TENM1: variants seen among roughly 807,000 people sequenced by gnomAD.
TENM1 encodes the protein teneurin transmembrane protein 1, also known as teneurin-1.
TENM1 carries 35 observed loss-of-function variants against 174.8 expected under a neutral mutation model. The observed-to-expected ratio is 0.20, with a 90% CI of 0.15 to 0.27. TENM1 has a LOEUF of 0.27. Ranked by LOEUF, TENM1 falls within the 10% of genes least tolerant of loss-of-function variation. TENM1 has a pLI of 1.00. For missense variants in TENM1, 1,633 were observed against 2,130.1 expected, an observed-to-expected ratio of 0.77 and a Z score of 4.59; for synonymous variants, 781 against 798.7, an observed-to-expected ratio of 0.98 and a Z score of 0.37.
intron 3 of TENM1, among the ~76,000 whole-genome samples, chrX:124,882,956 G>C (rs1405871801): frequency 9.0e-6 from 1 of 111,693 alleles, no homozygotes; most frequent in Non-Finnish European, 1.9e-5. Context: ...TCATTGTAGA[G>C]ATCTTTCACC....
At chrX:124,845,027 CCATT>C (rs1311542691) in intron 3 of TENM1, among the ~76,000 whole-genome samples, 1 of 110,694 alleles carries the variant, frequency 9.0e-6, no homozygotes, top group African/African-American at 3.3e-5. Flanking sequence ...ACTAGTAGGG[CCATT>C]ATTACTGGAG....
chrX:124,614,759 T>C, intron 11 of TENM1, among the ~76,000 whole-genome samples: 1 of 112,306 alleles, frequency 8.9e-6, no homozygotes, highest in Non-Finnish European at 1.9e-5. Flanking sequence ...GGTGCATGTC[T>C]GTAGTCCCAG....
chrX:124,734,431 CAGA>C (rs2148545665), intron 4 of TENM1, among the ~76,000 whole-genome samples: 1 of 108,153 alleles, frequency 9.2e-6, no homozygotes, highest in South Asian at 4.0e-4. Flanking sequence ...GCCTGGGCGA[CAGA>C]AGGAGACTGT....
At chrX:124,530,666 T>C (rs1299848582) in intron 15 of TENM1, among the ~76,000 whole-genome samples, 1 of 111,997 alleles carries the variant, frequency 8.9e-6, no homozygotes, top group Non-Finnish European at 1.9e-5. Context: ...ACAAATTTAG[T>C]TGAGCACACT....
chrX:125,054,060 G>C, the TENM1 span, among the ~76,000 whole-genome samples: 1 of 111,921 alleles, frequency 8.9e-6, no homozygotes, highest in Non-Finnish European at 1.9e-5. Context: ...AAAGTCCATC[G>C]TTCTACCATG....
chrX:124,682,921 C>T (rs1235868449), intron 5 of TENM1, among the ~76,000 whole-genome samples: 1 of 111,396 alleles, frequency 9.0e-6, no homozygotes, highest in Non-Finnish European at 1.9e-5. Flanking sequence ...CTGGTGACAT[C>T]CAAATGAAGT....
chrX:124,922,061 G>GT (rs1199918350), intron 1 of TENM1, among the ~76,000 whole-genome samples: 4 of 110,847 alleles, frequency 3.6e-5, no homozygotes, highest in Non-Finnish European at 7.6e-5. Context: ...TTATTATTTA[G>GT]TTTGAGTTTT....
chrX:124,545,741 C>T (rs187789828), intron 15 of TENM1, among the ~76,000 whole-genome samples: 36 of 111,606 alleles, frequency 3.2e-4, no homozygotes, highest in African/African-American at 1.1e-3. Flanking sequence ...AGAAATACTT[C>T]AAAATGGAGA....
chrX:125,011,361 A>G, the TENM1 span, among the ~76,000 whole-genome samples: 18,619 of 111,563 alleles, frequency 0.17, 1,257 homozygotes, highest in South Asian at 0.24. Context: ...GAGCTTCTGC[A>G]CAGCAAAAGA....
At position 124,848,182 on chromosome X, in the gene TENM1, A is replaced by T. The variant is rs182017560; in HGVS notation, c.535+46114T>A. 9.9e-5 allele frequency among the ~76,000 whole-genome samples: 11 copies of T among 111,251 alleles called. No homozygotes were observed. In the South Asian group the frequency reaches 1.1e-3, roughly 11 times the overall value. ...TCTCTTTCTTCCTCCCTCCCCACACATGCAGGTATGTGTGCATAATGTGGG... is the reference window on the plus strand; with the variant it reads ...TCTCTTTCTTCCTCCCTCCCCACACTTGCAGGTATGTGTGCATAATGTGGG... On this transcript the variant is annotated intron_variant, in intron 3 of 31. Transcript: ENST00000422452.
the TENM1 span, among the ~76,000 whole-genome samples, chrX:125,114,230 C>A: frequency 9.0e-6 from 1 of 111,521 alleles, no homozygotes; most frequent in Non-Finnish European, 1.9e-5. Context: ...AAAGACATAA[C>A]GTACCAGAAT....
chrX:125,146,344 G>A, the TENM1 span, among the ~76,000 whole-genome samples: 9 of 111,431 alleles, frequency 8.1e-5, no homozygotes, highest in African/African-American at 2.0e-4. Context: ...AACGTTAAGA[G>A]CCATGGGATT....
At chrX:124,639,154 T>C (rs1372175776) in intron 11 of TENM1, among the ~76,000 whole-genome samples, 1 of 111,963 alleles carries the variant, frequency 8.9e-6, no homozygotes, top group Non-Finnish European at 1.9e-5. Flanking sequence ...CAGCATAGTG[T>C]GTAAATAAAA....
At chrX:124,847,629 C>G (rs1481396331) in intron 3 of TENM1, among the ~76,000 whole-genome samples, 2 of 111,580 alleles carry the variant, frequency 1.8e-5, no homozygotes, top group Non-Finnish European at 3.8e-5. Flanking sequence ...CTCATGTATT[C>G]TCATTCAAAA....
intron 5 of TENM1, among the ~76,000 whole-genome samples, chrX:124,682,785 C>T (rs1449400242): frequency 3.6e-5 from 4 of 110,799 alleles, no homozygotes; most frequent in African/African-American, 1.3e-4. Context: ...AAAAAAACAA[C>T]CTGGCCAGTG....
chrX:124,636,113 C>T (rs2050873666), intron 11 of TENM1, among the ~76,000 whole-genome samples: 1 of 112,030 alleles, frequency 8.9e-6, no homozygotes, highest in African/African-American at 3.2e-5. Flanking sequence ...AACAGCTAAG[C>T]TTCATGTGCT....
chrX:125,141,545 G>A, the TENM1 span, among the ~76,000 whole-genome samples: 11 of 111,060 alleles, frequency 9.9e-5, no homozygotes, highest in Non-Finnish European at 2.1e-4. Context: ...AACAAATACC[G>A]TGTCTAGATG....
the TENM1 span, among the ~76,000 whole-genome samples, chrX:125,164,877 G>T: frequency 4.5e-5 from 5 of 111,561 alleles, no homozygotes; most frequent in Non-Finnish European, 7.5e-5. Context: ...CCTGAGTACG[G>T]TAAGTTTCTG....
At chrX:124,865,751 T>C (rs1211360328) in intron 3 of TENM1, among the ~76,000 whole-genome samples, 2 of 111,371 alleles carry the variant, frequency 1.8e-5, no homozygotes, top group East Asian at 5.6e-4. Flanking sequence ...ATTGATCTGT[T>C]GCCTACAATA....
Sources: gnomAD v4.1 joint callset for allele counts (sites outside exome capture counted in the v4.1 genomes callset) on GRCh38, gnomAD v4.1.1 for gene constraint, MANE v1.5 for transcripts, NCBI Gene and HGNC (gene_info 2026-07-23, HGNC 2026-07-21) for gene names.